The following ACYP2 variants were observed in gnomAD, a reference collection of about 807,000 sequenced individuals.
ACYP2 encodes acylphosphatase-2.
In ACYP2, 12 loss-of-function variants were observed where a neutral mutation model predicts 11.2. The observed-to-expected ratio is 1.08, with a 90% CI of 0.69 to 1.74. The LOEUF (loss-of-function observed/expected upper bound fraction) is 1.74, where lower values mean the gene tolerates loss of function less well. Among genes scored for constraint, ACYP2 ranks in the 40% most tolerant of loss-of-function variants. The pLI, the probability that ACYP2 is intolerant of heterozygous loss-of-function variation, is 0.00. For missense variants in ACYP2, 134 were observed against 101.9 expected, an observed-to-expected ratio of 1.31 and a Z score of -1.35; for synonymous variants, 43 against 32.2, an observed-to-expected ratio of 1.33 and a Z score of -1.13.
At chr2:54,070,926 G>T (rs886793236) in intron 4 of ACYP2, among the ~76,000 whole-genome samples, 5 of 148,194 alleles carry the variant, frequency 3.4e-5, no homozygotes, top group Admixed American at 2.7e-4. Context: ...TTGTTTGTTT[G>T]TTTTTTTCAG....
chr2:54,213,248 T>C (rs1432196528), intron 6 of ACYP2, among the ~76,000 whole-genome samples: 1 of 152,202 alleles, frequency 6.6e-6, no homozygotes, highest in Non-Finnish European at 1.5e-5. Flanking sequence ...GTTCTATCCA[T>C]GTTGCTGCAA....
intron 6 of ACYP2, among the ~76,000 whole-genome samples, chr2:54,198,112 C>T (rs975698844): frequency 2.0e-5 from 3 of 151,882 alleles, no homozygotes; most frequent in African/African-American, 7.2e-5. Flanking sequence ...CTTGGGCTCC[C>T]GGGTTCAAGT....
intron 4 of ACYP2, chr2:54,123,305 G>A: frequency 2.5e-6 from 1 of 398,548 alleles, no homozygotes; most frequent in East Asian, 3.6e-5. Context: ...CGTACTTCAA[G>A]AGGATCTTCA....
rs1301711013 is a variant in ACYP2 at position 54,183,531 on chromosome 2, C to CA, written c.404+44794dup. Among the ~76,000 whole-genome samples the CA allele has an allele frequency of 1.3e-3, 164 of 127,442 alleles. 1 individual carries two copies. Among genetic ancestry groups the CA allele is most frequent in the Middle Eastern group, 4.1e-3 (1 of 242 alleles). 83.6% of individuals were successfully genotyped at this position (127,442 alleles called of 152,430 possible). Reference sequence around the variant, plus strand: ...TGGGCGACAGAGCGAGACCCGGTCTCAAAAAAAAAAAGAAAAAAAGATTAA... The same window carrying CA: ...TGGGCGACAGAGCGAGACCCGGTCTCAAAAAAAAAAAAGAAAAAAAGATTAA... On this transcript the variant is annotated intron_variant, in intron 6 of 6. Transcript: ENST00000607452.
At chr2:54,072,845 G>A (rs964076796) in intron 4 of ACYP2, among the ~76,000 whole-genome samples, 3 of 152,080 alleles carry the variant, frequency 2.0e-5, no homozygotes, top group African/African-American at 7.2e-5. Context: ...TTACAGACGT[G>A]AGCTGCCAAG....
Position 54,179,234 on chromosome 2 carries a change from G to C in ACYP2, c.404+40486G>C, listed in dbSNP as rs866200959. Among the ~76,000 whole-genome samples the C allele has an allele frequency of 1.8e-3, 260 of 140,872 alleles. 1 individual carries two copies. The highest frequency in any genetic ancestry group is 6.4e-3 in the African/African-American group (251 of 39,354). 92.4% of individuals were successfully genotyped at this position (140,872 alleles called of 152,430 possible). A position where few individuals can be genotyped will look rare whatever the true frequency, so the allele number is the denominator to read the frequency against. On this transcript the variant is annotated intron_variant, in intron 6 of 6. Coordinates refer to ENST00000607452, the MANE Select transcript of ACYP2 (RefSeq NM_001320586.2). ...TGCAGACCTGTGACCAAATGTAGGT[G>C]GTGTGAGGGGTGGGTGGGTGGGTGG...
rs191865329 is a variant in ACYP2, at chr2:54,117,166, G to A, written c.278-18287G>A. Among the ~76,000 whole-genome samples the A allele has an allele frequency of 3.3e-5, 5 of 152,194 alleles. No homozygotes were observed. In the East Asian group the frequency reaches 9.6e-4, roughly 29 times the overall value. On this transcript the variant is annotated intron_variant, in intron 4 of 6. Coordinates refer to ENST00000607452, the MANE Select transcript of ACYP2 (RefSeq NM_001320586.2). ...AACTCATTGTATTCAACAGCTCCAA[G>A]TATTAAATTTTTTGTCTGGATGGAG...
chr2:54,046,498 A>G (rs1168957434), intron 2 of ACYP2, among the ~76,000 whole-genome samples: 1 of 152,068 alleles, frequency 6.6e-6, no homozygotes, highest in South Asian at 2.1e-4. Context: ...AAAAAAAAAA[A>G]AAAAGGTTGC....
intron 6 of ACYP2, among the ~76,000 whole-genome samples, chr2:54,180,391 T>C (rs1254921033): frequency 1.3e-5 from 2 of 152,112 alleles, no homozygotes; most frequent in Non-Finnish European, 2.9e-5. Context: ...CCTGTTATCA[T>C]GCCTTGGTCT....
Position 54,020,168 on chromosome 2 carries a change from C to T in ACYP2, c.63-30790C>T, listed in dbSNP as rs945195035. Among the ~76,000 whole-genome samples, 5 of 152,216 alleles carry T rather than the reference C, an allele frequency of 3.3e-5. No individual in the cohort carries two copies. The South Asian group carries it at 1.0e-3, about 32-fold the overall frequency. On this transcript the variant is annotated intron_variant, in intron 2 of 6. Transcript: ENST00000607452. Reference sequence around the variant, plus strand: ...GTCAGGCTGGTCTCGAATTCCTGATCTCAGGTGATTCACCAGTCTCAGCCT... The same window carrying T: ...GTCAGGCTGGTCTCGAATTCCTGATTTCAGGTGATTCACCAGTCTCAGCCT...
rs527863594 is a variant in ACYP2, at chr2:54,183,589, A to T, written c.404+44841A>T. Among the ~76,000 whole-genome samples, 14 of 152,274 alleles carry T rather than the reference A, an allele frequency of 9.2e-5. No homozygotes were observed. In the East Asian group the frequency reaches 2.3e-3, roughly 25 times the overall value. ...TTTTTCTATTCACAGTAATGACCTC[A>T]AATATTTTAAAAATGTAATTGTATT... On this transcript the variant is annotated intron_variant, in intron 6 of 6. Coordinates refer to ENST00000607452, the MANE Select transcript of ACYP2 (RefSeq NM_001320586.2).
chr2:54,210,384 T>C lies in ACYP2; in HGVS notation c.404+71636T>C, dbSNP rs1267404975. On this transcript the variant is annotated intron_variant, in intron 6 of 6. Transcript: ENST00000607452. The stretch of plus-strand genomic sequence containing the variant: ...ACATTACTTAATATATACAAACATA[T>C]AATTTTTGTGCTTATAACTCTATAC... Among the ~76,000 whole-genome samples the C allele has an allele frequency of 4.6e-5, 7 of 151,972 alleles. No homozygotes were observed. The East Asian group carries it at 1.2e-3, about 25-fold the overall frequency.
intron 2 of ACYP2, among the ~76,000 whole-genome samples, chr2:53,993,797 G>A (rs1264945875): frequency 1.3e-5 from 2 of 152,196 alleles, no homozygotes; most frequent in Non-Finnish European, 2.9e-5. Flanking sequence ...GGAGTAGAGG[G>A]TTGTGGAAAA....
At chr2:54,037,138 A>T (rs574246583) in intron 2 of ACYP2, among the ~76,000 whole-genome samples, 44 of 152,302 alleles carry the variant, frequency 2.9e-4, no homozygotes, top group African/African-American at 8.9e-4. Context: ...TTTAAGACAG[A>T]ATCTCGCTCT....
At chr2:54,285,257 T>C (rs1024827809) in intron 6 of ACYP2, among the ~76,000 whole-genome samples, 1 of 152,178 alleles carries the variant, frequency 6.6e-6, no homozygotes, top group Non-Finnish European at 1.5e-5. Flanking sequence ...ATACAAATTT[T>C]GGGAGGACAC....
intron 4 of ACYP2, among the ~76,000 whole-genome samples, chr2:54,110,833 T>TA (rs1679420569): frequency 6.6e-6 from 1 of 151,962 alleles, no homozygotes; most frequent in South Asian, 2.1e-4. Context: ...TCCTTGGAGC[T>TA]AGAAAGACAC....
Position 54,039,793 on chromosome 2 carries a change from C to T in ACYP2, c.63-11165C>T, listed in dbSNP as rs1291569576. On this transcript the variant is annotated intron_variant, in intron 2 of 6. Coordinates refer to ENST00000607452, the MANE Select transcript of ACYP2 (RefSeq NM_001320586.2). ...TATGTTTTTATCGGTGTCACTCAGG[C>T]TTCTGTGTTTTATATTTGTTTTCTT... Among the ~76,000 whole-genome samples, 13 of 145,002 alleles carry T rather than the reference C, an allele frequency of 9.0e-5. No individual in the cohort carries two copies. The East Asian group carries it at 2.7e-3, about 30-fold the overall frequency.
At chr2:54,115,296 C>T (rs1679684569) in intron 4 of ACYP2, 2 of 460,962 alleles carry the variant, frequency 4.3e-6, no homozygotes, top group African/African-American at 2.1e-5. Context: ...ATATACCCAA[C>T]TTTTATTTGT....
At chr2:54,103,080 A>G (rs565489889) in intron 4 of ACYP2, among the ~76,000 whole-genome samples, 110 of 152,354 alleles carry the variant, frequency 7.2e-4, no homozygotes, top group Non-Finnish European at 1.1e-3. Context: ...CCCTAAAATC[A>G]CAAGGACTAA....
Sources: gnomAD v4.1 joint callset for allele counts (sites outside exome capture counted in the v4.1 genomes callset) on GRCh38, gnomAD v4.1.1 for gene constraint, MANE v1.5 for transcripts, NCBI Gene and HGNC (gene_info 2026-07-23, HGNC 2026-07-21) for gene names.